DNAH11: variants seen among roughly 807,000 people sequenced by gnomAD.
DNAH11 encodes axonemal beta dynein heavy chain 11.
DNAH11 carries 442 observed loss-of-function variants against 526.0 expected under a neutral mutation model. That is an observed-to-expected ratio of 0.84 (90% CI 0.78 to 0.91). The LOEUF (loss-of-function observed/expected upper bound fraction) is 0.91, where lower values mean the gene tolerates loss of function less well. Ranked by LOEUF, DNAH11 falls within the 40% of genes least tolerant of loss-of-function variation. The pLI, the probability that DNAH11 is intolerant of heterozygous loss-of-function variation, is 0.00. For missense variants in DNAH11, 6,989 were observed against 5,448.7 expected, an observed-to-expected ratio of 1.28 and a Z score of -8.90; for synonymous variants, 2,461 against 1,935.9, an observed-to-expected ratio of 1.27 and a Z score of -7.12.
At chr7:21,827,812 C>T (rs772180502) in intron 65 of DNAH11, among the ~76,000 whole-genome samples, 55 of 152,002 alleles carry the variant, frequency 3.6e-4, no homozygotes, top group Non-Finnish European at 6.5e-4. Flanking sequence ...GGAGTTGACG[C>T]CATGCAATTA....
At chr7:21,716,723 C>T (rs1023595421) in intron 42 of DNAH11, among the ~76,000 whole-genome samples, 1 of 152,168 alleles carries the variant, frequency 6.6e-6, no homozygotes, top group South Asian at 2.1e-4. Context: ...TTCCCACTGT[C>T]GCTACCACAC....
chr7:21,747,489 ATTTTG>A, intron 51 of DNAH11, among the ~76,000 whole-genome samples: 1 of 152,304 alleles, frequency 6.6e-6, no homozygotes, highest in East Asian at 1.9e-4. Context: ...ACATGCCTAT[ATTTTG>A]TTTTGTTGGT....
chr7:21,674,966 T>G (rs1294034506), intron 30 of DNAH11, among the ~76,000 whole-genome samples: 1 of 152,208 alleles, frequency 6.6e-6, no homozygotes, highest in Non-Finnish European at 1.5e-5. Context: ...CTGTCACTGT[T>G]CTGAAGATCC....
chr7:21,742,066 C>A lies in DNAH11; in HGVS notation c.8054C>A (p.Ala2685Glu). The A allele has an allele frequency of 6.2e-7, 1 of 1,613,912 alleles. No individual in the cohort carries two copies. Among genetic ancestry groups the A allele is most frequent in the Non-Finnish European group, 8.5e-7 (1 of 1,179,844 alleles). ...ILRSGPTLIQ[A>E]TIAFHQTMMC... ...AGGAGTGGCCCCACTTTGATCCAGG[C>A]AACAATAGCATTCCATCAGACAATG... Residue 2685 changes from alanine to glutamate, a missense_variant, in exon 49 of 82, where the codon GCA (alanine) becomes GAA (glutamate). By Grantham distance (107) the Ala-to-Glu change is moderately radical. Coordinates refer to ENST00000409508, the MANE Select transcript of DNAH11 (RefSeq NM_001277115.2).
intron 2 of DNAH11, among the ~76,000 whole-genome samples, chr7:21,553,441 G>A (rs7787182): frequency 0.015 from 2,209 of 151,852 alleles, 53 homozygotes; most frequent in African/African-American, 0.05. Context: ...GTACCCCTTG[G>A]TTGGTGACTT....
rs1381384523 is a variant in DNAH11 at position 21,681,634 on chromosome 7, A to G, written c.5417A>G (p.Asp1806Gly). The stretch of plus-strand genomic sequence containing the variant: ...AAGATCATGACAATTTGTACCATAG[A>G]TGTCCATGCCAGAGACGTGGTGGCA... ...RQKIMTICTI[D>G]VHARDVVAKL... The change falls in exon 31 of 82, where the codon GAT becomes GGT. Residue 1806 changes from aspartate to glycine, a missense_variant. Asp to Gly is a moderately conservative substitution (Grantham distance 94). Coordinates refer to ENST00000409508, the MANE Select transcript of DNAH11 (RefSeq NM_001277115.2). The G allele has an allele frequency of 6.2e-7, 1 of 1,613,902 alleles. No individual in the cohort carries two copies.
chr7:21,892,675 G>A lies in DNAH11; in HGVS notation c.12750+8G>A, dbSNP rs369873077. 6 of 1,577,166 alleles carry A rather than the reference G, an allele frequency of 3.8e-6. No individual in the cohort carries two copies. Among genetic ancestry groups the A allele is most frequent in the Admixed American group, 1.9e-5 (1 of 53,474 alleles). ...CAGTCTACAGAAGAAAAGGTAGAGG[G>A]TCTTTCCTTCCTTTTCTTTTTCATT... is the stretch of plus-strand genomic sequence containing the variant. On this transcript the variant is annotated splice_region_variant and intron_variant, in intron 77 of 81. Coordinates refer to ENST00000409508, the MANE Select transcript of DNAH11 (RefSeq NM_001277115.2).
At position 21,894,996 on chromosome 7, in the gene DNAH11, A is replaced by G. The variant is rs751897641; in HGVS notation, c.13046A>G (p.Gln4349Arg). The G allele has an allele frequency of 6.8e-6, 11 of 1,613,560 alleles. No individual in the cohort carries two copies. Among genetic ancestry groups the G allele is most frequent in the Non-Finnish European group, 9.3e-6 (11 of 1,179,732 alleles). ...LAYPSTYGLA[Q>R]WFNDLLLRCR... ...TATCCTTCTACTTATGGCCTAGCCCAGTGGTAAGCTACCCCATCCTCACTG... is the reference window on the plus strand; with the variant it reads ...TATCCTTCTACTTATGGCCTAGCCCGGTGGTAAGCTACCCCATCCTCACTG... The change falls in exon 79 of 82, where the codon CAG becomes CGG. Residue 4349 changes from glutamine to arginine, a missense_variant. Physicochemically the swap from Gln to Arg is conservative, Grantham distance 43. Transcript: ENST00000409508.
intron 65 of DNAH11, among the ~76,000 whole-genome samples, chr7:21,826,133 A>T (rs976989727): frequency 2.0e-5 from 3 of 152,222 alleles, no homozygotes; most frequent in Admixed American, 2.0e-4. Context: ...TATCCAGGTG[A>T]CAAAGCTGCG....
chr7:21,734,630 G>A (rs529270591), intron 45 of DNAH11, among the ~76,000 whole-genome samples: 1 of 152,180 alleles, frequency 6.6e-6, no homozygotes, highest in Non-Finnish European at 1.5e-5. Context: ...GCTGAGGCAG[G>A]TGATCACTTC....
At chr7:21,880,960 C>A in intron 75 of DNAH11, 67 bp downstream of exon 75, 1 of 1,353,124 alleles carries the variant, frequency 7.4e-7, no homozygotes, top group Non-Finnish European at 1.0e-6. Flanking sequence ...TGGGCACTAT[C>A]AAAATTGACC....
At chr7:21,726,860 CAAAAAAAAAAAAAAAAAA>C (rs1166791175) in intron 45 of DNAH11, among the ~76,000 whole-genome samples, 1 of 13,812 alleles carries the variant, frequency 7.2e-5, no homozygotes, top group African/African-American at 3.9e-4. Flanking sequence ...GACTCTGTCT[CAAAAAAAAAAAAAAAAAA>C]AAAAAAAAAA....
intron 50 of DNAH11, 62 bp downstream of exon 50, chr7:21,744,661 A>G: frequency 3.8e-6 from 6 of 1,585,422 alleles, no homozygotes; most frequent in Non-Finnish European, 5.1e-6. Flanking sequence ...TTGGGACTAA[A>G]GTTAGATGAG....
intron 55 of DNAH11, among the ~76,000 whole-genome samples, chr7:21,769,546 A>G (rs897594246): frequency 1.3e-5 from 2 of 151,360 alleles, no homozygotes; most frequent in African/African-American, 4.9e-5. Context: ...GTGCAGTGGC[A>G]TGATCTCGGC....
chr7:21,549,506 A>T (rs527443016), intron 2 of DNAH11, among the ~76,000 whole-genome samples: 38 of 152,102 alleles, frequency 2.5e-4, no homozygotes, highest in African/African-American at 7.7e-4. Context: ...GGGGGGGTTG[A>T]GTTTTTTATT....
rs1785126542 is a variant in DNAH11 at position 21,726,784 on chromosome 7, C to T, written c.7440+800C>T. The stretch of plus-strand genomic sequence containing the variant: ...TCTGAGGCAGGAGAGTCGCTTGAAC[C>T]TGGGAGGCGGAGGTCGCGGTGAGCC... On this transcript the variant is annotated intron_variant, in intron 45 of 81. Coordinates refer to ENST00000409508, the MANE Select transcript of DNAH11 (RefSeq NM_001277115.2). 7.8e-5 allele frequency among the ~76,000 whole-genome samples: 10 copies of T among 128,818 alleles called. No homozygotes were observed. In the South Asian group the frequency reaches 2.6e-3, roughly 33 times the overall value. The allele number at this position is 128,818 out of a possible 152,430, so 84.5% of individuals were successfully genotyped here.
chr7:21,705,835 GAT>G, intron 39 of DNAH11, among the ~76,000 whole-genome samples: 1 of 152,242 alleles, frequency 6.6e-6, no homozygotes, highest in East Asian at 1.9e-4. Context: ...CAGGCATTTC[GAT>G]ATACACCATC....
intron 65 of DNAH11, among the ~76,000 whole-genome samples, chr7:21,825,168 G>C (rs937112906): frequency 6.6e-6 from 1 of 152,124 alleles, no homozygotes; most frequent in Non-Finnish European, 1.5e-5. Context: ...ACCACACCGG[G>C]TCTATTACTG....
At chr7:21,802,485 A>T (rs7799875) in intron 62 of DNAH11, among the ~76,000 whole-genome samples, 2,144 of 152,336 alleles carry the variant, frequency 0.014, 40 homozygotes, top group African/African-American at 0.049. Context: ...CCTAAAGAAA[A>T]GAAAATAAAT....
Sources: gnomAD v4.1 joint callset for allele counts (sites outside exome capture counted in the v4.1 genomes callset) on GRCh38, gnomAD v4.1.1 for gene constraint, MANE v1.5 for transcripts, NCBI Gene and HGNC (gene_info 2026-07-23, HGNC 2026-07-21) for gene names.